Variants in GRIK1 observed in about 807,000 individuals in gnomAD.
GRIK1 encodes the protein glutamate ionotropic receptor kainate type subunit 1.
A neutral mutation model predicts 105.7 loss-of-function variants in GRIK1; 69 were observed. That is an observed-to-expected ratio of 0.65 (90% CI 0.54 to 0.80). The LOEUF (loss-of-function observed/expected upper bound fraction) is 0.80, where lower values mean the gene tolerates loss of function less well. GRIK1 is among the 30% of genes least tolerant of loss of function. GRIK1 has a pLI of 0.00. For synonymous variants in GRIK1, 438 were observed against 431.3 expected (o/e 1.02, Z -0.19); for missense variants, 1,109 against 1,167.3 (o/e 0.95, Z 0.73).
intron 9 of GRIK1, among the ~76,000 whole-genome samples, chr21:29,591,865 A>T (rs1437020781): frequency 6.6e-6 from 1 of 152,064 alleles, no homozygotes; most frequent in Non-Finnish European, 1.5e-5. Context: ...CCTGGGCAAC[A>T]GAGTGAGACC....
At chr21:29,883,668 A>G (rs1273211199) in intron 1 of GRIK1, among the ~76,000 whole-genome samples, 1 of 152,092 alleles carries the variant, frequency 6.6e-6, no homozygotes, top group South Asian at 2.1e-4. Flanking sequence ...AAGAAATCAG[A>G]CTATAATCCT....
rs79037111 is a variant in GRIK1 at position 29,698,452 on chromosome 21, C to A, written c.119-4389G>T. Among the ~76,000 whole-genome samples, 481 of 152,272 alleles carry A rather than the reference C, an allele frequency of 3.2e-3. 3 individuals carry two copies. The highest frequency in any genetic ancestry group is 0.011 in the African/African-American group (468 of 41,546). On this transcript the variant is annotated intron_variant, in intron 1 of 17. Coordinates refer to ENST00000327783, the MANE Select transcript of GRIK1 (RefSeq NM_001330994.2). ...CTGAGAGCTCAGGATGAAGAACAAGCTTTTTCATTCTGCTATAATTCTTGA... is the reference window on the plus strand; with the variant it reads ...CTGAGAGCTCAGGATGAAGAACAAGATTTTTCATTCTGCTATAATTCTTGA...
chr21:29,713,853 G>C (rs529281669), intron 1 of GRIK1, among the ~76,000 whole-genome samples: 1 of 152,004 alleles, frequency 6.6e-6, no homozygotes, highest in Non-Finnish European at 1.5e-5. Flanking sequence ...TGCTTCAGCT[G>C]TACAGTCTTT....
chr21:29,800,819 C>A (rs1601729789), intron 1 of GRIK1, among the ~76,000 whole-genome samples: 2 of 152,012 alleles, frequency 1.3e-5, no homozygotes, highest in African/African-American at 4.8e-5. Flanking sequence ...ATGGTAAGAC[C>A]CTGTATGTAG....
chr21:29,691,253 G>A (rs2063579436), intron 2 of GRIK1, among the ~76,000 whole-genome samples: 3 of 152,214 alleles, frequency 2.0e-5, no homozygotes, highest in South Asian at 4.1e-4. Flanking sequence ...AGAGATTGCA[G>A]TGAACTGAGA....
chr21:29,658,239 T>G (rs2062892264), intron 4 of GRIK1, among the ~76,000 whole-genome samples: 2 of 152,314 alleles, frequency 1.3e-5, no homozygotes, highest in South Asian at 4.1e-4. Context: ...TAATATGTTC[T>G]TCTAATAAGG....
intron 1 of GRIK1, among the ~76,000 whole-genome samples, chr21:29,931,378 A>C (rs941076601): frequency 6.6e-6 from 1 of 152,038 alleles, no homozygotes; most frequent in Non-Finnish European, 1.5e-5. Context: ...AATTTGTCTG[A>C]TATTTTCTCA....
chr21:29,757,864 T>C (rs773873301), intron 1 of GRIK1, among the ~76,000 whole-genome samples: 38 of 152,268 alleles, frequency 2.5e-4, no homozygotes, highest in Admixed American at 4.6e-4. Context: ...TGTCCAGACA[T>C]TTCCATATCC....
chr21:29,755,111 T>A (rs139578340), intron 1 of GRIK1, among the ~76,000 whole-genome samples: 1 of 152,372 alleles, frequency 6.6e-6, no homozygotes, highest in African/African-American at 2.4e-5. Flanking sequence ...AAATTCTATA[T>A]TTCTATCAGA....
At chr21:29,609,555 G>A (rs904730933) in intron 7 of GRIK1, among the ~76,000 whole-genome samples, 1 of 152,166 alleles carries the variant, frequency 6.6e-6, no homozygotes, top group Admixed American at 6.5e-5. Context: ...AAAGAAGATT[G>A]CTCTCTCCGC....
intron 1 of GRIK1, among the ~76,000 whole-genome samples, chr21:29,766,437 T>A (rs771731454): frequency 7.2e-5 from 11 of 152,102 alleles, no homozygotes; most frequent in Non-Finnish European, 1.3e-4. Context: ...AATAATCTGA[T>A]CCTTCTGTTG....
At chr21:29,782,370 T>G (rs1601683595) in intron 1 of GRIK1, among the ~76,000 whole-genome samples, 1 of 152,164 alleles carries the variant, frequency 6.6e-6, no homozygotes, top group Non-Finnish European at 1.5e-5. Context: ...ACAGGCCACT[T>G]TTTTCGGTAA....
chr21:29,783,755 C>G (rs543448851), intron 1 of GRIK1, among the ~76,000 whole-genome samples: 21 of 152,274 alleles, frequency 1.4e-4, no homozygotes, highest in African/African-American at 5.1e-4. Flanking sequence ...TTCATTTCCA[C>G]ACATTTATTA....
At chr21:29,784,785 C>A (rs1253243840) in intron 1 of GRIK1, among the ~76,000 whole-genome samples, 2 of 152,094 alleles carry the variant, frequency 1.3e-5, no homozygotes, top group Non-Finnish European at 2.9e-5. Context: ...TGAGTTCACA[C>A]AAGTTAAGAT....
At chr21:29,593,118 C>G (rs539216242) in intron 9 of GRIK1, among the ~76,000 whole-genome samples, 2 of 152,154 alleles carry the variant, frequency 1.3e-5, no homozygotes, top group Non-Finnish European at 2.9e-5. Flanking sequence ...GTTCACACAT[C>G]AGTGTGAACT....
intron 1 of GRIK1, among the ~76,000 whole-genome samples, chr21:29,871,984 G>A (rs1041245141): frequency 6.6e-6 from 1 of 151,098 alleles, no homozygotes; most frequent in East Asian, 2.0e-4. Context: ...GGCTGGTCTT[G>A]AACTCCTGAG....
intron 1 of GRIK1, among the ~76,000 whole-genome samples, chr21:29,910,694 G>A (rs1723187111): frequency 6.6e-6 from 1 of 151,974 alleles, no homozygotes; most frequent in Non-Finnish European, 1.5e-5. Context: ...GCTTACGTAG[G>A]CCCTTTCTAA....
At chr21:29,582,428 GA>G in intron 12 of GRIK1, 1 of 402,534 alleles carries the variant, frequency 2.5e-6, no homozygotes, top group South Asian at 1.9e-5. Flanking sequence ...AACGTTTCTG[GA>G]AAAACAACTA....
intron 1 of GRIK1, among the ~76,000 whole-genome samples, chr21:29,938,629 C>A (rs1339134101): frequency 1.3e-5 from 2 of 152,152 alleles, no homozygotes; most frequent in Non-Finnish European, 2.9e-5. Flanking sequence ...CATTCGAGAT[C>A]AGAGCCCTGA....
Sources: allele counts gnomAD v4.1 joint callset (sites outside exome capture counted in the v4.1 genomes callset), GRCh38; gene constraint gnomAD v4.1.1; transcripts MANE v1.5; gene names NCBI Gene and HGNC (gene_info 2026-07-23, HGNC 2026-07-21).